Variants in EPS15L1 observed in about 807,000 individuals in gnomAD.
EPS15L1 encodes epidermal growth factor receptor pathway substrate 15 like 1, also known as epidermal growth factor receptor substrate 15-like 1.
A neutral mutation model predicts 117.1 loss-of-function variants in EPS15L1; 43 were observed. That is an observed-to-expected ratio of 0.37 (90% confidence interval 0.29 to 0.47). The LOEUF (loss-of-function observed/expected upper bound fraction) is 0.47. EPS15L1 is among the 20% of genes least tolerant of loss of function. The probability of loss-of-function intolerance (pLI) is 0.99; values close to 1 mark genes in which losing one functional copy is unlikely to be tolerated. For synonymous variants in EPS15L1, 459 were observed against 470.5 expected (o/e 0.98, Z 0.32); for missense variants, 981 against 1,164.0 (o/e 0.84, Z 2.29).
At chr19:16,428,600 A>AAAAAG (rs879758847) in intron 8 of EPS15L1, 102 bp downstream of exon 8, 7 of 750,934 alleles carry the variant, frequency 9.3e-6, no homozygotes, top group African/African-American at 3.9e-5. Flanking sequence ...AAAGAAAAGA[A>AAAAAG]AAAAGAAAAG....
At chr19:16,367,497 TAAAAAAAAA>T (rs71178691) in intron 22 of EPS15L1, among the ~76,000 whole-genome samples, 3 of 65,310 alleles carry the variant, frequency 4.6e-5, no homozygotes, top group Non-Finnish European at 8.0e-5. Flanking sequence ...TATGTGCTGT[TAAAAAAAAA>T]AAAAAAAAAA....
chr19:16,403,808 C>T lies in EPS15L1; in HGVS notation c.1551G>A (p.Gln517=). The T allele has an allele frequency of 6.2e-7, 1 of 1,614,114 alleles. No individual in the cohort carries two copies. Among genetic ancestry groups the T allele is most frequent in the South Asian group, 1.1e-5 (1 of 91,078 alleles). ...RLQQEETQLE[Q]SIQAGRVQLE... Reference sequence around the variant, plus strand: ...GCTGGACTCGCCCAGCCTGAATGCTCTGCTCCAGCTGGGTTTCCTCCTGCT... The same window carrying T: ...GCTGGACTCGCCCAGCCTGAATGCTTTGCTCCAGCTGGGTTTCCTCCTGCT... The change falls in exon 15 of 24, where the codon CAG becomes CAA. Residue 517 remains glutamine (Q), a synonymous_variant. Coordinates refer to ENST00000455140, the MANE Select transcript of EPS15L1 (RefSeq NM_001258374.3).
intron 1 of EPS15L1, among the ~76,000 whole-genome samples, chr19:16,470,167 A>C (rs2093336226): frequency 6.6e-6 from 1 of 152,070 alleles, no homozygotes; most frequent in South Asian, 2.1e-4. Flanking sequence ...GGATCACTCG[A>C]GTTCAGGAGT....
At chr19:16,368,627 C>T (rs896492928) in intron 22 of EPS15L1, among the ~76,000 whole-genome samples, 2 of 152,002 alleles carry the variant, frequency 1.3e-5, no homozygotes, top group African/African-American at 4.8e-5. Flanking sequence ...TCACCCTACA[C>T]AACACAGGCA....
intron 1 of EPS15L1, among the ~76,000 whole-genome samples, chr19:16,467,436 CACT>C (rs1233739563): frequency 1.3e-5 from 2 of 152,078 alleles, no homozygotes; most frequent in Non-Finnish European, 2.9e-5. Context: ...AGGCGTCAGC[CACT>C]GCACCCGGCC....
At chr19:16,417,395 T>G (rs2144920152) in intron 12 of EPS15L1, 157 bp downstream of exon 12, 12 of 649,752 alleles carry the variant, frequency 1.8e-5, no homozygotes, top group East Asian at 5.6e-5. Flanking sequence ...TCAAGCCCCT[T>G]GAGCCAGTTT....
intron 13 of EPS15L1, among the ~76,000 whole-genome samples, chr19:16,408,021 A>G (rs1429682539): frequency 1.3e-5 from 2 of 152,140 alleles, no homozygotes; most frequent in Non-Finnish European, 2.9e-5. Flanking sequence ...GGAGCTGGGG[A>G]TGTGGGTGGC....
In EPS15L1 at chr19:16,438,073, C is replaced by A. The variant is rs150448450; in HGVS notation, c.214-208G>T. Among the ~76,000 whole-genome samples, 226 of 152,298 alleles carry A rather than the reference C, an allele frequency of 1.5e-3. 6 individuals are homozygous for A. In the East Asian group the frequency reaches 0.039, roughly 27 times the overall value. On this transcript the variant is annotated intron_variant, in intron 4 of 23. Coordinates refer to ENST00000455140, the MANE Select transcript of EPS15L1 (RefSeq NM_001258374.3). ...ATACACTAAAATGGACTTATCCTGG[C>A]CAGGTGTGGTGGCTCATGTCTGTAA...
Position 16,393,999 on chromosome 19 carries a change from C to T in EPS15L1, c.1918G>A (p.Asp640Asn), listed in dbSNP as rs2092512741. 2 of 1,613,926 alleles carry T rather than the reference C, an allele frequency of 1.2e-6. No individual in the cohort carries two copies. The highest frequency in any genetic ancestry group is 1.7e-5 in the Admixed American group (1 of 60,000). Residue 640 changes from aspartate to asparagine, a missense_variant and splice_region_variant, in exon 18 of 24, where the codon GAC (aspartate) becomes AAC (asparagine). Asp to Asn is a conservative substitution (Grantham distance 23, BLOSUM62 1). This residue lies in a region of EPS15L1 where 819 missense variants were observed against 949.0 expected (regional missense o/e 0.86). Transcript: ENST00000455140. ...GCAAAGGGGTCATTCTGGAACGGGT[C>T]GCCTGGTTGGAAGAGGAGAGAAATG... ...PFKGADPFKG[D>N]PFQNDPFAEQ...
intron 23 of EPS15L1, among the ~76,000 whole-genome samples, chr19:16,360,106 C>A (rs1474841232): frequency 4.0e-5 from 6 of 149,890 alleles, no homozygotes; most frequent in African/African-American, 1.2e-4. Context: ...GAGCCCTTTG[C>A]GGGTTGGGGT....
At chr19:16,437,677 A>G (rs1337701736) in intron 5 of EPS15L1, 93 bp downstream of exon 5, 3 of 857,180 alleles carry the variant, frequency 3.5e-6, no homozygotes, top group Non-Finnish European at 5.8e-6. Flanking sequence ...TAGAGAAAAC[A>G]TGGAAATATA....
chr19:16,379,178 G>A (rs578206036), intron 21 of EPS15L1, among the ~76,000 whole-genome samples: 3 of 152,244 alleles, frequency 2.0e-5, no homozygotes, highest in Admixed American at 6.5e-5. Flanking sequence ...GGTGGCGGGC[G>A]CCTGTAGTCC....
rs533742516 is a variant in EPS15L1 at position 16,431,702 on chromosome 19, G to A, written c.498+2663C>T. ...GTCTTCCAGAAGAGAAGATTTGAAT[G>A]TTCCCAACACAAAGAAAGGATCAGT... On this transcript the variant is annotated intron_variant, in intron 7 of 23. Transcript: ENST00000455140. Among the ~76,000 whole-genome samples the A allele has an allele frequency of 1.3e-5, 2 of 152,314 alleles. 1 individual carries two copies. Among genetic ancestry groups the A allele is most frequent in the South Asian group, 4.1e-4 (2 of 4,822 alleles).
chr19:16,421,439 A>T lies in EPS15L1; in HGVS notation c.830T>A (p.Met277Lys). 1 of 1,613,866 alleles carries T rather than the reference A, an allele frequency of 6.2e-7. No homozygotes were observed. Among genetic ancestry groups the T allele is most frequent in the Non-Finnish European group, 8.5e-7 (1 of 1,179,746 alleles). The part of the protein sequence containing the change: ...VNWVVPVADK[M>K]RFDEIFLKTD... ...CTTCAGGAATATCTCATCAAATCGC[A>T]TCTTGTCTGCCACGGGCACCACCCA... Residue 277 changes from methionine to lysine, a missense_variant, in exon 10 of 24, where the codon ATG becomes AAG. Physicochemically the swap from Met to Lys is moderately conservative, Grantham distance 95 (BLOSUM62 -1). Transcript: ENST00000455140.
chr19:16,397,499 A>G (rs576838105), intron 16 of EPS15L1, among the ~76,000 whole-genome samples: 7 of 152,126 alleles, frequency 4.6e-5, no homozygotes, highest in African/African-American at 1.4e-4. Flanking sequence ...CCACTCAACA[A>G]CAGCAGCACA....
intron 5 of EPS15L1, among the ~76,000 whole-genome samples, chr19:16,437,372 G>C (rs773346711): frequency 1.3e-5 from 2 of 152,172 alleles, no homozygotes; most frequent in Admixed American, 6.5e-5. Flanking sequence ...ACGATGCTGA[G>C]AGAGAGGCCA....
At position 16,355,462 on chromosome 19, in the gene EPS15L1, CG is replaced by C. The variant is rs893881798; in HGVS notation, c.*242del. 41 of 479,200 alleles carry C rather than the reference CG, an allele frequency of 8.6e-5. No homozygotes were observed. Among genetic ancestry groups the C allele is most frequent in the South Asian group, 2.7e-4 (7 of 25,508 alleles). 29.7% of individuals were successfully genotyped at this position (479,200 alleles called of 1,614,324 possible). Reference sequence around the variant, plus strand: ...AGGAAGAGCGGGAGGCAGTCAGCCCCGGGGGGGATGGCACAGTGGAGAGACG... The same window carrying C: ...AGGAAGAGCGGGAGGCAGTCAGCCCCGGGGGGATGGCACAGTGGAGAGACG... On this transcript the variant is annotated 3_prime_UTR_variant, in exon 24 of 24. Coordinates refer to ENST00000455140, the MANE Select transcript of EPS15L1 (RefSeq NM_001258374.3).
At chr19:16,406,532 T>G (rs1261516940) in intron 13 of EPS15L1, among the ~76,000 whole-genome samples, 1 of 152,182 alleles carries the variant, frequency 6.6e-6, no homozygotes, top group South Asian at 2.1e-4. Flanking sequence ...TAGAGCCTCC[T>G]AAGTCTAACC....
intron 22 of EPS15L1, among the ~76,000 whole-genome samples, chr19:16,372,604 T>A (rs950632272): frequency 6.6e-6 from 1 of 152,196 alleles, no homozygotes; most frequent in African/African-American, 2.4e-5. Context: ...TCCCAGAATG[T>A]GTGCAGCCAC....
Sources: gnomAD v4.1 joint callset for allele counts (sites outside exome capture counted in the v4.1 genomes callset) on GRCh38, gnomAD v4.1.1 for gene constraint, gnomAD v4.1.1 regional missense constraint, MANE v1.5 for transcripts, NCBI Gene and HGNC (gene_info 2026-07-23, HGNC 2026-07-21) for gene names.